The following ZBTB11 variants were observed in gnomAD, a reference collection of about 807,000 sequenced individuals.
ZBTB11 encodes the protein zinc finger and BTB domain-containing protein 11.
Under a neutral mutation model 113.1 loss-of-function variants are expected in ZBTB11, and 68 were observed. That is an observed-to-expected ratio of 0.60 (90% CI 0.49 to 0.74). The LOEUF (loss-of-function observed/expected upper bound fraction) is 0.74. ZBTB11 is among the 30% of genes least tolerant of loss of function. ZBTB11 has a pLI of 0.00. For synonymous variants in ZBTB11, 518 were observed against 452.6 expected (o/e 1.14, Z -1.83); for missense variants, 1,104 against 1,279.4 (o/e 0.86, Z 2.09).
chr3:101,663,635 T>C (rs1170877211), intron 5 of ZBTB11, among the ~76,000 whole-genome samples: 1 of 152,132 alleles, frequency 6.6e-6, no homozygotes, highest in Non-Finnish European at 1.5e-5. Context: ...TCACACCTGG[T>C]ATCCCATACC....
intron 8 of ZBTB11, 41 bp downstream of exon 8, chr3:101,654,663 A>G: frequency 2.0e-6 from 3 of 1,518,746 alleles, no homozygotes; most frequent in South Asian, 1.2e-5. Flanking sequence ...GAGTAAAAAC[A>G]TAATTAAATT....
chr3:101,671,526 C>T (rs1328208860), intron 2 of ZBTB11, 165 bp from the exon 3 acceptor site: 8 of 617,976 alleles, frequency 1.3e-5, no homozygotes, highest in Non-Finnish European at 2.2e-5. Context: ...TTGTCCTATC[C>T]TATTTTCTGC....
chr3:101,652,380 A>C, intron 10 of ZBTB11, 116 bp downstream of exon 10: 1 of 1,035,402 alleles, frequency 9.7e-7, no homozygotes, highest in Non-Finnish European at 1.4e-6. Flanking sequence ...CTGTCATTTG[A>C]ATAAAGATAT....
intron 8 of ZBTB11, among the ~76,000 whole-genome samples, chr3:101,653,849 C>T (rs944985878): frequency 2.6e-5 from 4 of 152,032 alleles, no homozygotes; most frequent in African/African-American, 7.3e-5. Context: ...CTGATGTACC[C>T]CTGAACCTAA....
At position 101,676,597 on chromosome 3, in the gene ZBTB11, G is replaced by C. The variant is rs770277304; in HGVS notation, c.310+8C>G. On this transcript the variant is annotated splice_region_variant and intron_variant, in intron 1 of 10. Transcript: ENST00000312938. ...CAGCCCGCCCCCTCGCCGCGGGCTA[G>C]GTCTCACCTCGCCACCAGTACGTCT... 1 of 1,494,238 alleles carries C rather than the reference G, an allele frequency of 6.7e-7. No homozygotes were observed. The highest frequency in any genetic ancestry group is 1.4e-5 in the South Asian group (1 of 73,880). 92.6% of individuals were successfully genotyped at this position (1,494,238 alleles called of 1,614,324 possible).
At position 101,656,084 on chromosome 3, in the gene ZBTB11, C is replaced by A; in HGVS notation, c.2191+20G>T. 1.4e-6 allele frequency: 2 copies of A among 1,467,008 alleles called. No individual in the cohort carries two copies. The highest frequency in any genetic ancestry group is 1.4e-5 in the South Asian group (1 of 70,360). The allele number at this position is 1,467,008 out of a possible 1,614,324, so 90.9% of individuals were successfully genotyped here. A position where few individuals can be genotyped will look rare whatever the true frequency, so the allele number is the denominator to read the frequency against. On this transcript the variant is annotated intron_variant, in intron 7 of 10. Coordinates refer to ENST00000312938, the MANE Select transcript of ZBTB11 (RefSeq NM_014415.4). ...AATAGTTTATGAAATGTAACTATGT[C>A]AATATAAATTTCTCATTACCTGTGT... is the stretch of plus-strand genomic sequence containing the variant.
chr3:101,663,194 T>TC (rs1936923233), intron 5 of ZBTB11, among the ~76,000 whole-genome samples: 1 of 152,056 alleles, frequency 6.6e-6, no homozygotes, highest in South Asian at 2.1e-4. Flanking sequence ...CGCCTCAGCC[T>TC]CCCAAAGTGC....
At position 101,671,194 on chromosome 3, in the gene ZBTB11, A is replaced by G. The variant is rs1937080265; in HGVS notation, c.714T>C (p.Tyr238=). 6.2e-7 allele frequency: 1 copy of G among 1,614,072 alleles called. No homozygotes were observed. The highest frequency in any genetic ancestry group is 8.5e-7 in the Non-Finnish European group (1 of 1,180,034). ...HKSVLSANSE[Y]FRDLFIEKGA... ...CTTTCTCAATAAAAAGATCTCGAAA[A>G]TACTCGCTATTTGCTGACAAAACAG... is the stretch of plus-strand genomic sequence containing the variant. The change falls in exon 3 of 11, where the codon TAT becomes TAC. Residue 238 remains tyrosine, a synonymous_variant. Transcript: ENST00000312938.
intron 3 of ZBTB11, among the ~76,000 whole-genome samples, chr3:101,669,291 T>C (rs999975936): frequency 6.6e-6 from 1 of 152,248 alleles, no homozygotes; most frequent in African/African-American, 2.4e-5. Flanking sequence ...GCCTCAAAGC[T>C]TTGGGATTAC....
Position 101,676,869 on chromosome 3 carries a change from T to TC in ZBTB11, c.45dup (p.Asn16GlufsTer17), listed in dbSNP as rs1243574781. 6.2e-7 allele frequency: 1 copy of TC among 1,607,828 alleles called. No individual in the cohort carries two copies. ...CCCGGCGCATACGGCTCGCGCTCGT[T>TC]CGTCAGGTAACGCAGGATGGCCCGG... On this transcript the variant is annotated frameshift_variant, in exon 1 of 11. Coordinates refer to ENST00000312938, the MANE Select transcript of ZBTB11 (RefSeq NM_014415.4). LOFTEE classifies it high-confidence loss of function.
At chr3:101,675,959 CA>C (rs941064876) in intron 1 of ZBTB11, among the ~76,000 whole-genome samples, 1 of 152,036 alleles carries the variant, frequency 6.6e-6, no homozygotes, top group African/African-American at 2.4e-5. Context: ...AACCAAACAA[CA>C]AAAACAGTAA....
chr3:101,674,592 C>A (rs1031101243), intron 1 of ZBTB11, among the ~76,000 whole-genome samples: 4 of 151,732 alleles, frequency 2.6e-5, no homozygotes, highest in South Asian at 2.1e-4. Context: ...CCCAGCTACT[C>A]TGGAGACTGA....
intron 6 of ZBTB11, 118 bp downstream of exon 6, chr3:101,659,665 T>C: frequency 7.6e-7 from 1 of 1,314,462 alleles, no homozygotes; most frequent in Non-Finnish European, 1.0e-6. Context: ...AAGTCATAAA[T>C]TTACCTGACA....
intron 1 of ZBTB11, 102 bp downstream of exon 1, chr3:101,676,503 G>C (rs1937176461): frequency 2.4e-6 from 3 of 1,267,032 alleles, no homozygotes; most frequent in South Asian, 3.6e-5. Flanking sequence ...GCCCAGAGGC[G>C]TCCGAGACCC....
Position 101,651,301 on chromosome 3 carries a change from A to G in ZBTB11, c.3027T>C (p.Ser1009=). Residue 1009 remains serine (S), a synonymous_variant, in exon 11 of 11, where the codon TCT becomes TCC. Coordinates refer to ENST00000312938, the MANE Select transcript of ZBTB11 (RefSeq NM_014415.4). ...GCATAATACTTTGGTCAGAAAGTGT[A>G]GATACCGATGGATACTCTTCAGTAG... ...VAATEEYPSV[S]TLSDQSIMQV... The G allele has an allele frequency of 6.2e-7, 1 of 1,614,244 alleles. No individual in the cohort carries two copies. Among genetic ancestry groups the G allele is most frequent in the African/African-American group, 1.3e-5 (1 of 75,066 alleles).
At chr3:101,662,632 CA>C (rs945445710) in intron 5 of ZBTB11, among the ~76,000 whole-genome samples, 3 of 151,998 alleles carry the variant, frequency 2.0e-5, no homozygotes, top group Admixed American at 6.6e-5. Context: ...AACAAACAAA[CA>C]AAAAAACCCC....
rs1936676954 is a variant in ZBTB11 at position 101,650,298 on chromosome 3, GT to G, written c.*867del. On this transcript the variant is annotated 3_prime_UTR_variant, in exon 11 of 11. Coordinates refer to ENST00000312938, the MANE Select transcript of ZBTB11 (RefSeq NM_014415.4). ...GCTGAAAACATACCAAATCTAGTTT[GT>G]TTGTTCATTAACTTGTTCATTCTTT... is the stretch of plus-strand genomic sequence containing the variant. The G allele has an allele frequency of 6.6e-6, 1 of 152,130 alleles. No homozygotes were observed. 9.4% of individuals were successfully genotyped at this position (152,130 alleles called of 1,614,324 possible).
intron 1 of ZBTB11, among the ~76,000 whole-genome samples, chr3:101,673,173 G>A (rs1017021773): frequency 6.6e-6 from 1 of 152,174 alleles, no homozygotes; most frequent in Non-Finnish European, 1.5e-5. Flanking sequence ...TGAGGAGGCA[G>A]GGACAAGGCT....
At position 101,659,976 on chromosome 3, in the gene ZBTB11, C is replaced by A; in HGVS notation, c.1853G>T (p.Arg618Leu). ...AGAGGGTGCATCTTTTCTGGTATGA[C>A]GAATAAGATGTGCTCGCAAAGAGGC... is the stretch of plus-strand genomic sequence containing the variant. Reference protein sequence around the residue: ...YSASLRAHLIRHTRKDAPSSS... With the variant: ...YSASLRAHLILHTRKDAPSSS... Residue 618 changes from arginine to leucine, a missense_variant, in exon 6 of 11, where the codon CGT becomes CTT. By Grantham distance (102) the Arg-to-Leu change is moderately radical. Coordinates refer to ENST00000312938, the MANE Select transcript of ZBTB11 (RefSeq NM_014415.4). 1 of 1,614,050 alleles carries A rather than the reference C, an allele frequency of 6.2e-7. No individual in the cohort carries two copies. The highest frequency in any genetic ancestry group is 8.5e-7 in the Non-Finnish European group (1 of 1,180,010).
Sources: gnomAD v4.1 joint callset for allele counts (sites outside exome capture counted in the v4.1 genomes callset) on GRCh38, gnomAD v4.1.1 for gene constraint, MANE v1.5 for transcripts, NCBI Gene and HGNC (gene_info 2026-07-23, HGNC 2026-07-21) for gene names.